SH3KBP1: variants seen among roughly 807,000 people sequenced by gnomAD.
The protein encoded by SH3KBP1 is SH3 domain containing kinase binding protein 1.
Under a neutral mutation model 50.1 loss-of-function variants are expected in SH3KBP1, and 8 were observed. The observed-to-expected ratio is 0.16, with a 90% confidence interval of 0.09 to 0.29. The LOEUF (loss-of-function observed/expected upper bound fraction) is 0.29. Ranked by LOEUF, SH3KBP1 falls within the 10% of genes least tolerant of loss-of-function variation. SH3KBP1 has a pLI of 1.00. For synonymous variants in SH3KBP1, 227 were observed against 218.6 expected (o/e 1.04, Z -0.34); for missense variants, 377 against 535.2 (o/e 0.70, Z 2.92).
chrX:19,852,449 G>A (rs1454888635), intron 1 of SH3KBP1, among the ~76,000 whole-genome samples: 1 of 110,621 alleles, frequency 9.0e-6, no homozygotes, highest in Non-Finnish European at 1.9e-5. Context: ...ACTGGAATAC[G>A]CTCTACAAGG....
At chrX:19,737,917 A>C (rs983982674) in intron 3 of SH3KBP1, among the ~76,000 whole-genome samples, 5 of 102,330 alleles carry the variant, frequency 4.9e-5, no homozygotes, top group Admixed American at 1.0e-4. Context: ...GCATCATCTA[A>C]CTCATGTTTT....
chrX:19,685,284 AG>A (rs1172226451), intron 5 of SH3KBP1, among the ~76,000 whole-genome samples: 1 of 112,769 alleles, frequency 8.9e-6, no homozygotes, highest in Non-Finnish European at 1.9e-5. Flanking sequence ...CATTCAAATA[AG>A]GAAGTCTCAG....
chrX:19,609,837 C>T (rs984037407), intron 8 of SH3KBP1, among the ~76,000 whole-genome samples: 4 of 112,236 alleles, frequency 3.6e-5, no homozygotes, highest in Non-Finnish European at 7.5e-5. Flanking sequence ...CTCTTTCTAG[C>T]CCTGAGAGTT....
At chrX:19,711,077 T>C (rs754195695) in intron 3 of SH3KBP1, among the ~76,000 whole-genome samples, 10 of 111,409 alleles carry the variant, frequency 9.0e-5, no homozygotes, top group African/African-American at 1.3e-4. Context: ...ATAGAGATCA[T>C]GTATTTTACC....
chrX:19,807,338 A>C (rs1024358489), intron 2 of SH3KBP1, among the ~76,000 whole-genome samples: 9 of 112,155 alleles, frequency 8.0e-5, no homozygotes, highest in Non-Finnish European at 1.1e-4. Context: ...AGCTTGCTGT[A>C]ATCAGCACCA....
intron 2 of SH3KBP1, among the ~76,000 whole-genome samples, chrX:19,833,951 A>T (rs1170245417): frequency 9.0e-6 from 1 of 111,096 alleles, no homozygotes; most frequent in Non-Finnish European, 1.9e-5. Context: ...GCACTTTCCC[A>T]CTCTTAAAAT....
At chrX:19,695,563 C>T (rs1444419448) in intron 5 of SH3KBP1, 49 bp downstream of exon 5, 22 of 1,191,378 alleles carry the variant, frequency 1.8e-5, no homozygotes, top group Non-Finnish European at 2.5e-5. Context: ...TGGAGCACAG[C>T]CTGCCGGTCC....
At chrX:19,664,463 G>A (rs1292652026) in intron 6 of SH3KBP1, among the ~76,000 whole-genome samples, 2 of 111,012 alleles carry the variant, frequency 1.8e-5, no homozygotes, top group East Asian at 5.7e-4. Context: ...TGACCCAGCT[G>A]TATCTCTTTC....
In SH3KBP1 at chrX:19,767,795, G is replaced by C. The variant is rs776339034; in HGVS notation, c.163-21354C>G. ...TCATTTCTCCTTGCAGACATGCTGGGAAGCTGCGATAATTAACTGGCTGAA... is the reference window on the plus strand; with the variant it reads ...TCATTTCTCCTTGCAGACATGCTGGCAAGCTGCGATAATTAACTGGCTGAA... On this transcript the variant is annotated intron_variant, in intron 2 of 17. Transcript: ENST00000397821. 6.3e-5 allele frequency among the ~76,000 whole-genome samples: 7 copies of C among 111,157 alleles called. No individual in the cohort carries two copies. The East Asian group carries it at 2.0e-3, about 31-fold the overall frequency.
chrX:19,741,103 T>C (rs2064754339), intron 3 of SH3KBP1, among the ~76,000 whole-genome samples: 1 of 112,627 alleles, frequency 8.9e-6, no homozygotes, highest in African/African-American at 3.2e-5. Flanking sequence ...AAAGCAACAG[T>C]GTGTCACCAG....
rs185240558 is a variant in SH3KBP1, at chrX:19,873,613, A to G, written c.4+13694T>C. Reference sequence around the variant, plus strand: ...TTTGAACCCAGGAGGCAGAGGTTGCAGTGAGCCGAGATCATGCCACTGCAC... The same window carrying G: ...TTTGAACCCAGGAGGCAGAGGTTGCGGTGAGCCGAGATCATGCCACTGCAC... On this transcript the variant is annotated intron_variant, in intron 1 of 17. Coordinates refer to ENST00000397821, the MANE Select transcript of SH3KBP1 (RefSeq NM_031892.3). 2.8e-4 allele frequency among the ~76,000 whole-genome samples: 30 copies of G among 108,080 alleles called. No homozygotes were observed. In the East Asian group the frequency reaches 8.4e-3, roughly 30 times the overall value. The allele number at this position is 108,080 out of a possible 115,157, so 93.9% of individuals were successfully genotyped here.
At chrX:19,775,760 T>C (rs777011572) in intron 2 of SH3KBP1, among the ~76,000 whole-genome samples, 6 of 111,783 alleles carry the variant, frequency 5.4e-5, no homozygotes, top group African/African-American at 9.7e-5. Context: ...TGCTTCTTAA[T>C]GAGCCAAAGG....
At chrX:19,879,888 C>G (rs938408001) in intron 1 of SH3KBP1, among the ~76,000 whole-genome samples, 2 of 112,964 alleles carry the variant, frequency 1.8e-5, no homozygotes, top group Admixed American at 1.9e-4. Context: ...CTTCCTTAAC[C>G]TCAGCATGAC....
At chrX:19,683,339 T>C in intron 6 of SH3KBP1, 1 of 370,678 alleles carries the variant, frequency 2.7e-6, no homozygotes, top group Non-Finnish European at 5.3e-6. Flanking sequence ...TGCGGGAGAC[T>C]TCCTTTCAAC....
intron 1 of SH3KBP1, among the ~76,000 whole-genome samples, chrX:19,875,778 C>A (rs1437614676): frequency 8.9e-6 from 1 of 112,552 alleles, no homozygotes; most frequent in Non-Finnish European, 1.9e-5. Context: ...GCATTTGGAA[C>A]TGTGGCATGT....
intron 1 of SH3KBP1, among the ~76,000 whole-genome samples, chrX:19,874,064 AAAAAATAT>A (rs1246455073): frequency 1.2e-5 from 1 of 84,547 alleles, no homozygotes; most frequent in African/African-American, 5.9e-5. Flanking sequence ...AAAAAAAAAA[AAAAAATAT>A]ATATATATAT....
chrX:19,634,093 T>TGA (rs2061644448), intron 7 of SH3KBP1, among the ~76,000 whole-genome samples: 1 of 63,504 alleles, frequency 1.6e-5, no homozygotes, highest in Non-Finnish European at 3.0e-5. Context: ...TGTGTGTGTG[T>TGA]GTGACAGAGG....
intron 6 of SH3KBP1, among the ~76,000 whole-genome samples, chrX:19,659,835 C>G (rs1253811977): frequency 8.9e-6 from 1 of 112,732 alleles, no homozygotes; most frequent in Non-Finnish European, 1.9e-5. Context: ...ACAGCATTCA[C>G]TGTCCTCTGT....
At chrX:19,576,592 A>G (rs1238035054) in intron 12 of SH3KBP1, among the ~76,000 whole-genome samples, 1 of 111,233 alleles carries the variant, frequency 9.0e-6, no homozygotes, top group African/African-American at 3.3e-5. Context: ...GGTACATGCT[A>G]CCATGCATGG....
Sources: gnomAD v4.1 joint callset for allele counts (sites outside exome capture counted in the v4.1 genomes callset) on GRCh38, gnomAD v4.1.1 for gene constraint, MANE v1.5 for transcripts, NCBI Gene and HGNC (gene_info 2026-07-23, HGNC 2026-07-21) for gene names.